Variants in USH2A observed in about 807,000 individuals in gnomAD.
USH2A encodes the protein Usher syndrome 2A (autosomal recessive, mild).
In USH2A, 443 loss-of-function variants were observed where a neutral mutation model predicts 538.9. That is an observed-to-expected ratio of 0.82 (90% CI 0.76 to 0.89). The LOEUF (loss-of-function observed/expected upper bound fraction) is 0.89. USH2A is among the 40% of genes least tolerant of loss of function. The pLI is 0.00. For missense variants in USH2A, 6,633 were observed against 6,324.8 expected (o/e 1.05, Z -1.65); for synonymous variants, 2,413 against 2,273.5 (o/e 1.06, Z -1.75).
At position 215,728,319 on chromosome 1, in the gene USH2A, A is replaced by T; in HGVS notation, c.11777T>A (p.Met3926Lys). The T allele has an allele frequency of 6.2e-7, 1 of 1,614,220 alleles. No individual in the cohort carries two copies. The highest frequency in any genetic ancestry group is 8.5e-7 in the Non-Finnish European group (1 of 1,180,024). ...AGGCCTCAGGGTGTCTCCTTCATCCATAAATTCAAGGGCTCCTTCTGACCA... is the reference window on the plus strand; with the variant it reads ...AGGCCTCAGGGTGTCTCCTTCATCCTTAAATTCAAGGGCTCCTTCTGACCA... ...FVWSEGALEF[M>K]DEGDTLRPFT... The change falls in exon 61 of 72, where the codon ATG becomes AAG. Residue 3926 changes from methionine (M) to lysine (K), a missense_variant. Transcript: ENST00000307340.
intron 18 of USH2A, 35 bp downstream of exon 18, chr1:216,198,280 G>C (rs947727208): frequency 9.6e-5 from 155 of 1,612,984 alleles, no homozygotes; most frequent in Non-Finnish European, 1.3e-4. Flanking sequence ...GCATTCAGAG[G>C]TTTTAAAAGT....
chr1:216,231,075 C>G (rs979131746), intron 14 of USH2A, among the ~76,000 whole-genome samples: 1 of 149,520 alleles, frequency 6.7e-6, no homozygotes, highest in African/African-American at 2.5e-5. Flanking sequence ...ACTTTACATA[C>G]TGAAAAAAAT....
chr1:215,821,783 T>C (rs1300711332), intron 47 of USH2A, among the ~76,000 whole-genome samples: 2 of 151,894 alleles, frequency 1.3e-5, no homozygotes, highest in African/African-American at 4.8e-5. Flanking sequence ...AGTTGATTCT[T>C]GAATGCGGTA....
At chr1:215,650,467 C>T (rs559121630) in intron 65 of USH2A, 125 bp downstream of exon 65, 94 of 1,151,390 alleles carry the variant, frequency 8.2e-5, no homozygotes, top group South Asian at 3.2e-4. Flanking sequence ...CTAAGTTCAC[C>T]GTAGAGCAAC....
intron 21 of USH2A, among the ~76,000 whole-genome samples, chr1:216,159,172 ATACT>A (rs1434971171): frequency 6.6e-6 from 1 of 152,082 alleles, no homozygotes; most frequent in Non-Finnish European, 1.5e-5. Context: ...GACATACCTA[ATACT>A]TATTTATTTT....
chr1:216,013,269 C>A (rs1668621639), intron 32 of USH2A, among the ~76,000 whole-genome samples: 2 of 148,420 alleles, frequency 1.3e-5, no homozygotes, highest in Middle Eastern at 7.1e-3. Flanking sequence ...CAATATCACC[C>A]CTTACCACAA....
intron 14 of USH2A, among the ~76,000 whole-genome samples, chr1:216,220,454 A>T (rs1046785258): frequency 1.3e-5 from 2 of 150,772 alleles, no homozygotes; most frequent in African/African-American, 4.9e-5. Context: ...CTAAAGGTCC[A>T]GAAAAGGGGC....
In USH2A at chr1:215,674,690, C is replaced by T. The variant is rs771196547; in HGVS notation, c.13221G>A (p.Leu4407=). Residue 4407 remains leucine (L), a synonymous_variant, in exon 63 of 72, where the codon CTG becomes CTA. Transcript: ENST00000307340. ...ESLAGQGLCL[L]VSHLQPYSQY... The stretch of plus-strand genomic sequence containing the variant: ...GAGAGTAAGGCTGCAGGTGGGAAAC[C>T]AGCAGGCACAGGCCCTGGCCAGCAA... The T allele has an allele frequency of 2.5e-6, 4 of 1,613,910 alleles. No homozygotes were observed. The African/African-American group carries it at 5.3e-5, about 22-fold the overall frequency.
chr1:216,330,515 T>G (rs1571709111), intron 4 of USH2A, among the ~76,000 whole-genome samples: 1 of 151,850 alleles, frequency 6.6e-6, no homozygotes, highest in Admixed American at 6.6e-5. Context: ...TAAATCAGTA[T>G]GCTTGGCATG....
At chr1:216,164,510 C>T (rs531374419) in intron 21 of USH2A, among the ~76,000 whole-genome samples, 15 of 151,884 alleles carry the variant, frequency 9.9e-5, no homozygotes, top group Non-Finnish European at 1.2e-4. Flanking sequence ...TCTTAGTTTT[C>T]GAGAAGACTG....
chr1:215,932,882 T>C (rs1666398906), intron 38 of USH2A, among the ~76,000 whole-genome samples: 1 of 152,050 alleles, frequency 6.6e-6, no homozygotes. Context: ...TTGTATAATA[T>C]TAACCCTTTT....
intron 44 of USH2A, among the ~76,000 whole-genome samples, chr1:215,849,435 G>A (rs890259079): frequency 6.6e-6 from 1 of 152,142 alleles, no homozygotes; most frequent in Non-Finnish European, 1.5e-5. Flanking sequence ...AAGCAGAAAT[G>A]AGCAGAGTTA....
In USH2A at chr1:215,813,869, A is replaced by C; in HGVS notation, c.9606T>G (p.Pro3202=). 1 of 1,613,896 alleles carries C rather than the reference A, an allele frequency of 6.2e-7. No homozygotes were observed. The highest frequency in any genetic ancestry group is 8.5e-7 in the Non-Finnish European group (1 of 1,179,834). The change falls in exon 49 of 72, where the codon CCT becomes CCG. Residue 3202 remains proline, a synonymous_variant. Transcript: ENST00000307340. Reference sequence around the variant, plus strand: ...ACTTTTCTTCACAACAGCGATGTCCAGGCTTGGGGTTATAGAGCACTCCGT... The same window carrying C: ...ACTTTTCTTCACAACAGCGATGTCCCGGCTTGGGGTTATAGAGCACTCCGT... The part of the protein sequence containing the change: ...CCNGVLYNPK[P]GHRCCEEKYI...
chr1:215,833,435 T>C (rs1248106717), intron 47 of USH2A, among the ~76,000 whole-genome samples: 5 of 151,914 alleles, frequency 3.3e-5, no homozygotes, highest in African/African-American at 9.7e-5. Flanking sequence ...TCTAAAAATA[T>C]TCAATAAAGA....
intron 41 of USH2A, among the ~76,000 whole-genome samples, chr1:215,884,709 G>A (rs985037856): frequency 2.0e-5 from 3 of 152,146 alleles, no homozygotes; most frequent in African/African-American, 4.8e-5. Flanking sequence ...ATCTTTAAAA[G>A]TCAATGAGGA....
chr1:216,145,947 G>A (rs563505880), intron 21 of USH2A, among the ~76,000 whole-genome samples: 17 of 151,650 alleles, frequency 1.1e-4, no homozygotes, highest in Admixed American at 4.6e-4. Context: ...ATCTCCCTTC[G>A]CTGACTCTCT....
intron 56 of USH2A, among the ~76,000 whole-genome samples, chr1:215,765,756 T>A (rs1168001181): frequency 1.3e-5 from 2 of 152,206 alleles, no homozygotes; most frequent in African/African-American, 4.8e-5. Flanking sequence ...TTTCTCAGTT[T>A]GTTCTTATAA....
chr1:216,064,357 C>T (rs2031282585), intron 30 of USH2A, among the ~76,000 whole-genome samples: 1 of 152,124 alleles, frequency 6.6e-6, no homozygotes, highest in South Asian at 2.1e-4. Flanking sequence ...CACTCACTCA[C>T]TCTGGGGTCA....
At chr1:215,979,103 G>A (rs1319483548) in intron 35 of USH2A, among the ~76,000 whole-genome samples, 1 of 152,156 alleles carries the variant, frequency 6.6e-6, no homozygotes, top group Non-Finnish European at 1.5e-5. Flanking sequence ...GAAGGTGGAG[G>A]AGGAGCAAAG....
Sources: allele counts gnomAD v4.1 joint callset (sites outside exome capture counted in the v4.1 genomes callset), GRCh38; gene constraint gnomAD v4.1.1; transcripts MANE v1.5; gene names NCBI Gene and HGNC (gene_info 2026-07-23, HGNC 2026-07-21).